The following TSPAN15 variants were observed in gnomAD, a reference collection of about 807,000 sequenced individuals.
TSPAN15 encodes tetraspanin 15.
TSPAN15 carries 20 observed loss-of-function variants against 34.5 expected under a neutral mutation model. The observed-to-expected ratio is 0.58, with a 90% CI of 0.41 to 0.84. The LOEUF is 0.84. Among genes scored for constraint, TSPAN15 ranks in the 40% least tolerant of loss-of-function variants. The pLI is 0.00. For synonymous variants in TSPAN15, 155 were observed against 153.9 expected, an observed-to-expected ratio of 1.01 and a Z score of -0.05; for missense variants, 313 against 386.1, an observed-to-expected ratio of 0.81 and a Z score of 1.59.
chr10:69,452,741 G>A (rs10998787), intron 1 of TSPAN15, among the ~76,000 whole-genome samples: 15,207 of 152,176 alleles, frequency 0.1, 987 homozygotes, highest in South Asian at 0.17. Context: ...GGCCAGCTCC[G>A]CCCCTGTCAC....
rs77551833 is a variant in TSPAN15, at chr10:69,503,344, C to T, written c.571-1094C>T. ...AGGGGCTGGAATTGTGAACAAATCACGCCAGCCAGCATTCTTGTGCTCCTC... is the reference window on the plus strand; with the variant it reads ...AGGGGCTGGAATTGTGAACAAATCATGCCAGCCAGCATTCTTGTGCTCCTC... On this transcript the variant is annotated intron_variant, in intron 5 of 7. Transcript: ENST00000373290. Among the ~76,000 whole-genome samples, 1,228 of 152,352 alleles carry T rather than the reference C, an allele frequency of 8.1e-3. 18 individuals are homozygous for T. The highest frequency in any genetic ancestry group is 0.027 in the African/African-American group (1,133 of 41,584).
At chr10:69,481,099 C>T (rs892668278) in intron 1 of TSPAN15, among the ~76,000 whole-genome samples, 5 of 152,228 alleles carry the variant, frequency 3.3e-5, no homozygotes. Flanking sequence ...GGTTTTGGAG[C>T]ATGACTGTGT....
At chr10:69,498,700 C>T (rs1842142059) in intron 5 of TSPAN15, among the ~76,000 whole-genome samples, 1 of 152,160 alleles carries the variant, frequency 6.6e-6, no homozygotes, top group South Asian at 2.1e-4. Flanking sequence ...TTCACGACAA[C>T]CCTGTGAGGT....
chr10:69,453,582 C>G (rs1841021699), intron 1 of TSPAN15, among the ~76,000 whole-genome samples: 2 of 152,334 alleles, frequency 1.3e-5, no homozygotes, highest in East Asian at 3.9e-4. Context: ...TTTCCATTTT[C>G]TCATCTATAA....
intron 1 of TSPAN15, among the ~76,000 whole-genome samples, chr10:69,467,669 CA>C (rs1841416016): frequency 8.1e-6 from 1 of 123,998 alleles, no homozygotes; most frequent in South Asian, 2.4e-4. Flanking sequence ...CACACACACA[CA>C]CACACCTCTT....
At chr10:69,511,587 A>T (rs191829993), downstream of TSPAN15, among the ~76,000 whole-genome samples, 5 of 151,910 alleles carry the variant, frequency 3.3e-5, no homozygotes, top group Admixed American at 2.0e-4. Flanking sequence ...TTCTGCTCTG[A>T]TCTTAGTTAT....
In TSPAN15 at chr10:69,451,545, C is replaced by A. The variant is rs543971544; in HGVS notation, c.-50C>A. ...GGGCCACGAGCGCTGGCTGAGGGAC[C>A]GAGCCGGAGAGCCCCGGAGCCCCCG... On this transcript the variant is annotated 5_prime_UTR_variant, in exon 1 of 8. Transcript: ENST00000373290. 99 of 1,337,962 alleles carry A rather than the reference C, an allele frequency of 7.4e-5. 1 individual carries two copies. In the Admixed American group the frequency reaches 1.5e-3, roughly 20 times the overall value. 82.9% of individuals were successfully genotyped at this position (1,337,962 alleles called of 1,614,324 possible).
chr10:69,481,383 G>A (rs976552457), intron 1 of TSPAN15, among the ~76,000 whole-genome samples: 1 of 152,174 alleles, frequency 6.6e-6, no homozygotes, highest in Non-Finnish European at 1.5e-5. Flanking sequence ...TTGAAACATA[G>A]CAGAGTACTG....
At chr10:69,459,675 G>A (rs1841200485) in intron 1 of TSPAN15, among the ~76,000 whole-genome samples, 1 of 152,158 alleles carries the variant, frequency 6.6e-6, no homozygotes, top group Admixed American at 6.5e-5. Flanking sequence ...TGAAGAGTTT[G>A]GGGTTCGAGT....
At chr10:69,455,625 T>TCC (rs140635415) in intron 1 of TSPAN15, among the ~76,000 whole-genome samples, 4,730 of 82,556 alleles carry the variant, frequency 0.057, 244 homozygotes, top group Middle Eastern at 0.1. Context: ...TCTCTCTCTC[T>TCC]CCCCCCCCCG....
At chr10:69,531,077 A>G in the TSPAN15 span, among the ~76,000 whole-genome samples, 3 of 145,732 alleles carry the variant, frequency 2.1e-5, no homozygotes, top group Admixed American at 1.4e-4. Flanking sequence ...TGCTCGGAAC[A>G]GGAAAAATAA....
intron 1 of TSPAN15, among the ~76,000 whole-genome samples, chr10:69,465,314 G>T (rs1458974015): frequency 6.6e-6 from 1 of 152,192 alleles, no homozygotes; most frequent in Non-Finnish European, 1.5e-5. Flanking sequence ...GTTGTTCAGG[G>T]ACCCACAGAC....
At chr10:69,465,260 G>T (rs577726012) in intron 1 of TSPAN15, among the ~76,000 whole-genome samples, 7 of 152,304 alleles carry the variant, frequency 4.6e-5, no homozygotes, top group African/African-American at 1.7e-4. Context: ...CAACCACTAG[G>T]TGGGTAGACT....
chr10:69,505,863 G>A (rs1842314328), intron 6 of TSPAN15: 1 of 384,376 alleles, frequency 2.6e-6, no homozygotes. Flanking sequence ...GGATTACCCT[G>A]AGCTCTGCAG....
the TSPAN15 span, among the ~76,000 whole-genome samples, chr10:69,533,078 G>T: frequency 1.3e-5 from 2 of 152,146 alleles, no homozygotes; most frequent in Non-Finnish European, 2.9e-5. Flanking sequence ...ACTGCTGGTG[G>T]GAATGTAAAC....
At chr10:69,539,536 A>AAGGAGG in the TSPAN15 span, among the ~76,000 whole-genome samples, 7 of 71,512 alleles carry the variant, frequency 9.8e-5, no homozygotes, top group Non-Finnish European at 1.2e-4. Context: ...GAAGAAGAAG[A>AAGGAGG]AGGAGAAGGA....
At chr10:69,515,357 C>T in the TSPAN15 span, among the ~76,000 whole-genome samples, 18 of 152,124 alleles carry the variant, frequency 1.2e-4, no homozygotes, top group Non-Finnish European at 2.1e-4. Context: ...GTCAGCAGGT[C>T]GCCAGGGCTG....
In TSPAN15 at chr10:69,498,339, C is replaced by T. The variant is rs1314230723; in HGVS notation, c.513C>T (p.Cys171=). The T allele has an allele frequency of 3.1e-6, 5 of 1,613,864 alleles. No individual in the cohort carries two copies. In the African/African-American group the frequency reaches 5.3e-5, roughly 17 times the overall value. Residue 171 remains cysteine, a synonymous_variant, in exon 5 of 8, where the codon TGC becomes TGT. Transcript: ENST00000373290. ...RDWSKNQYHD[C]SAPGPLACGV... is the part of the protein sequence containing the mutation. The stretch of plus-strand genomic sequence containing the variant: ...GGAGCAAGAATCAGTACCACGACTG[C>T]AGTGCCCCTGGACCCCTGGCCTGTG...
At chr10:69,531,932 AAAC>A in the TSPAN15 span, among the ~76,000 whole-genome samples, 7 of 129,090 alleles carry the variant, frequency 5.4e-5, no homozygotes, top group African/African-American at 1.4e-4. Flanking sequence ...CAAACAAACA[AAAC>A]AAAACAAAAA....
Sources: allele counts gnomAD v4.1 joint callset (sites outside exome capture counted in the v4.1 genomes callset), GRCh38; gene constraint gnomAD v4.1.1; transcripts MANE v1.5; gene names NCBI Gene and HGNC (gene_info 2026-07-23, HGNC 2026-07-21).